The following HIP1 variants were observed in gnomAD, a reference collection of about 807,000 sequenced individuals.
HIP1 encodes the protein huntingtin interacting protein 1.
A neutral mutation model predicts 147.6 loss-of-function variants in HIP1; 65 were observed. The ratio of observed to expected loss-of-function variants is 0.44; its 90% confidence interval spans 0.36 to 0.54. The LOEUF is 0.54. HIP1 is among the 20% of genes least tolerant of loss of function. The probability of loss-of-function intolerance (pLI) is 0.00; values close to 1 mark genes in which losing one functional copy is unlikely to be tolerated. For synonymous variants in HIP1, 479 were observed against 504.0 expected, an observed-to-expected ratio of 0.95 and a Z score of 0.67; for missense variants, 1,061 against 1,299.6, an observed-to-expected ratio of 0.82 and a Z score of 2.82.
At position 75,581,219 on chromosome 7, in the gene HIP1, G is replaced by T. The variant is rs782331675; in HGVS notation, c.604+18C>A. 1.3e-6 allele frequency: 2 copies of T among 1,592,914 alleles called. No individual in the cohort carries two copies. Among genetic ancestry groups the T allele is most frequent in the East Asian group, 2.2e-5 (1 of 44,750 alleles). On this transcript the variant is annotated intron_variant, in intron 7 of 30. Coordinates refer to ENST00000336926, the MANE Select transcript of HIP1 (RefSeq NM_005338.7). ...GTTCCCATGAGAGCCTGGGTTAGAC[G>T]GGAGGGAAGAGACTCACCTGTTTGG...
Position 75,635,517 on chromosome 7 carries a change from G to T in HIP1, c.121-36270C>A, listed in dbSNP as rs192746651. Among the ~76,000 whole-genome samples the T allele has an allele frequency of 1.5e-3, 232 of 150,068 alleles. No homozygotes were observed. The East Asian group carries it at 0.017, about 11-fold the overall frequency. On this transcript the variant is annotated intron_variant, in intron 1 of 30. Coordinates refer to ENST00000336926, the MANE Select transcript of HIP1 (RefSeq NM_005338.7). ...CGCTTGAACCCAGGAGGCGGAGGCGGTGGTGAGCCGAGATCGTGCCACTGC... is the reference window on the plus strand; with the variant it reads ...CGCTTGAACCCAGGAGGCGGAGGCGTTGGTGAGCCGAGATCGTGCCACTGC...
chr7:75,603,489 T>A (rs1771765385), intron 1 of HIP1, among the ~76,000 whole-genome samples: 1 of 151,940 alleles, frequency 6.6e-6, no homozygotes, highest in Non-Finnish European at 1.5e-5. Context: ...CCTTTCCCCA[T>A]CAGATGGGGT....
chr7:75,593,123 T>A (rs782049660), intron 2 of HIP1, among the ~76,000 whole-genome samples: 1 of 152,106 alleles, frequency 6.6e-6, no homozygotes. Flanking sequence ...CATGCACCAC[T>A]GTGCCTGGCT....
chr7:75,638,740 T>G (rs1444658935), intron 1 of HIP1, among the ~76,000 whole-genome samples: 2 of 151,772 alleles, frequency 1.3e-5, no homozygotes, highest in African/African-American at 4.8e-5. Context: ...GGCGCTGCCC[T>G]CCCTCCCGTC....
chr7:75,555,704 T>C (rs1554493116), intron 18 of HIP1, among the ~76,000 whole-genome samples, 153 bp from the exon 19 acceptor site: 1 of 151,636 alleles, frequency 6.6e-6, no homozygotes, highest in African/African-American at 2.4e-5. Context: ...GCTTTAACTG[T>C]GTGCACAGGA....
At chr7:75,595,200 CT>C (rs1438968000) in intron 2 of HIP1, among the ~76,000 whole-genome samples, 44 of 51,534 alleles carry the variant, frequency 8.5e-4, no homozygotes, top group African/African-American at 3.7e-3. Flanking sequence ...TTCTTTCTTT[CT>C]TTCTTTCTTT....
intron 1 of HIP1, chr7:75,625,288 G>T (rs1490246817): frequency 6.6e-6 from 1 of 152,156 alleles, no homozygotes; most frequent in Non-Finnish European, 1.5e-5. Flanking sequence ...TTGAGCACCC[G>T]GTCAAGTGTT....
At chr7:75,648,250 C>T (rs925072237) in intron 1 of HIP1, among the ~76,000 whole-genome samples, 21 of 151,706 alleles carry the variant, frequency 1.4e-4, no homozygotes, top group Non-Finnish European at 2.8e-4. Context: ...GTAGCTGAAG[C>T]TGGTTGGAGT....
At chr7:75,595,236 CTTT>C (rs1796666573) in intron 2 of HIP1, among the ~76,000 whole-genome samples, 8 of 114,604 alleles carry the variant, frequency 7.0e-5, no homozygotes, top group African/African-American at 2.8e-4. Context: ...TTCTTTCTTT[CTTT>C]CTTTCTTTCT....
intron 16 of HIP1, 47 bp from the exon 17 acceptor site, chr7:75,556,858 CAA>C: frequency 8.7e-7 from 1 of 1,144,644 alleles, no homozygotes; most frequent in Non-Finnish European, 1.3e-6. Flanking sequence ...GTGACAGTGA[CAA>C]AGAATATAAA....
intron 1 of HIP1, among the ~76,000 whole-genome samples, chr7:75,681,805 C>G (rs557427704): frequency 6.6e-6 from 1 of 151,618 alleles, no homozygotes; most frequent in Non-Finnish European, 1.5e-5. Flanking sequence ...CTGGCCAGCA[C>G]CTGCTCTTCT....
intron 1 of HIP1, among the ~76,000 whole-genome samples, chr7:75,630,994 C>T (rs1475701555): frequency 6.6e-6 from 1 of 152,178 alleles, no homozygotes; most frequent in Non-Finnish European, 1.5e-5. Flanking sequence ...TGCTCTGTCA[C>T]CCAGGCTGGA....
At chr7:75,595,876 C>T (rs1360250273) in intron 2 of HIP1, among the ~76,000 whole-genome samples, 1 of 152,168 alleles carries the variant, frequency 6.6e-6, no homozygotes, top group African/African-American at 2.4e-5. Context: ...GTGTAAGCAG[C>T]ATTTCTGAAG....
intron 1 of HIP1, among the ~76,000 whole-genome samples, chr7:75,720,625 T>G (rs961342015): frequency 2.0e-5 from 3 of 152,242 alleles, no homozygotes; most frequent in Non-Finnish European, 4.4e-5. Flanking sequence ...ACTTTCTCTA[T>G]GTCAAACAGG....
At chr7:75,585,696 G>A (rs1273145402) in intron 5 of HIP1, among the ~76,000 whole-genome samples, 3 of 151,886 alleles carry the variant, frequency 2.0e-5, no homozygotes, top group Admixed American at 6.6e-5. Context: ...TCTGGTTTAC[G>A]TTGCCTCCTA....
chr7:75,580,128 G>A (rs895574994), intron 7 of HIP1, among the ~76,000 whole-genome samples: 1 of 152,202 alleles, frequency 6.6e-6, no homozygotes, highest in Non-Finnish European at 1.5e-5. Flanking sequence ...GACTGTGTGA[G>A]CTTCTCATGT....
chr7:75,677,513 T>C (rs1160169471), intron 1 of HIP1, among the ~76,000 whole-genome samples: 1 of 143,514 alleles, frequency 7.0e-6, no homozygotes, highest in Non-Finnish European at 1.5e-5. Context: ...GGTTGAGGCA[T>C]GAGAATTGCT....
chr7:75,633,917 G>T (rs1798330232), intron 1 of HIP1, among the ~76,000 whole-genome samples: 3 of 152,090 alleles, frequency 2.0e-5, no homozygotes, highest in African/African-American at 4.8e-5. Flanking sequence ...ATTTGAGGAA[G>T]CAGTGAGATT....
rs1795023344 is a variant in HIP1, at chr7:75,556,817, A to C, written c.1582-6T>G. The C allele has an allele frequency of 1.3e-6, 2 of 1,581,538 alleles. No homozygotes were observed. Among genetic ancestry groups the C allele is most frequent in the African/African-American group, 2.7e-5 (2 of 74,258 alleles). On this transcript the variant is annotated splice_polypyrimidine_tract_variant and splice_region_variant and intron_variant, in intron 16 of 30. Transcript: ENST00000336926. ...ACTTCCAGCTGTTCTTGAGTCTGAA[A>C]GAGAAGAAAAACAGAGGGACTCTGA...
Sources: gnomAD v4.1 joint callset for allele counts (sites outside exome capture counted in the v4.1 genomes callset) on GRCh38, gnomAD v4.1.1 for gene constraint, MANE v1.5 for transcripts, NCBI Gene and HGNC (gene_info 2026-07-23, HGNC 2026-07-21) for gene names.